The following FOXP1 variants were observed in gnomAD, a reference collection of about 807,000 sequenced individuals.
FOXP1 encodes the protein forkhead box protein P1.
In FOXP1, 15 loss-of-function variants were observed where a neutral mutation model predicts 98.2. The ratio of observed to expected loss-of-function variants is 0.15; its 90% confidence interval spans 0.10 to 0.24. The LOEUF is 0.24. Among genes scored for constraint, FOXP1 ranks in the 10% least tolerant of loss-of-function variants. The pLI is 1.00. For missense variants in FOXP1, 633 were observed against 848.5 expected (o/e 0.75, Z 3.15); for synonymous variants, 371 against 314.5 (o/e 1.18, Z -1.90).
intron 3 of FOXP1, among the ~76,000 whole-genome samples, chr3:71,492,353 G>A (rs776327935): frequency 6.6e-5 from 10 of 151,814 alleles, no homozygotes; most frequent in Admixed American, 3.3e-4. Context: ...TTGGGAGGCC[G>A]AGGCAGAAAA....
chr3:71,007,797 A>T (rs1007033384), intron 12 of FOXP1, among the ~76,000 whole-genome samples: 1 of 152,204 alleles, frequency 6.6e-6, no homozygotes, highest in African/African-American at 2.4e-5. Flanking sequence ...ACAGAAAAAA[A>T]TTTTAAAAAG....
intron 4 of FOXP1, among the ~76,000 whole-genome samples, chr3:71,308,626 C>A (rs1401346114): frequency 6.6e-6 from 1 of 152,014 alleles, no homozygotes; most frequent in Non-Finnish European, 1.5e-5. Context: ...CTGTGCACAA[C>A]AGGAGAATAA....
chr3:71,574,603 G>A (rs1001716466), intron 2 of FOXP1: 23 of 152,144 alleles, frequency 1.5e-4, no homozygotes, highest in African/African-American at 5.5e-4. Context: ...CAAGATGCTT[G>A]GGAAAATCAA....
chr3:70,963,940 C>A (rs2034168976), intron 20 of FOXP1, among the ~76,000 whole-genome samples: 1 of 152,090 alleles, frequency 6.6e-6, no homozygotes, highest in South Asian at 2.1e-4. Context: ...TCAAGCCGTG[C>A]CGTAAAGTTT....
chr3:71,112,343 C>T (rs1351231732), intron 7 of FOXP1, among the ~76,000 whole-genome samples, 193 bp downstream of exon 7: 1 of 152,184 alleles, frequency 6.6e-6, no homozygotes, highest in African/African-American at 2.4e-5. Context: ...GCAGATCTTA[C>T]TCCTGACAAT....
chr3:71,222,708 T>C (rs1398495204), intron 5 of FOXP1, among the ~76,000 whole-genome samples: 1 of 152,228 alleles, frequency 6.6e-6, no homozygotes, highest in African/African-American at 2.4e-5. Flanking sequence ...AATACTTCAC[T>C]GTCTTCCCCA....
rs538835517 is a variant in FOXP1, at chr3:71,015,496, G to A, written c.974+53C>T. The A allele has an allele frequency of 4.9e-6, 6 of 1,221,888 alleles. No individual in the cohort carries two copies. The East Asian group carries it at 9.5e-5, about 19-fold the overall frequency. The allele number at this position is 1,221,888 out of a possible 1,614,324, so 75.7% of individuals were successfully genotyped here. A position where few individuals can be genotyped will look rare whatever the true frequency, so the allele number is the denominator to read the frequency against. ...GGCATTTTATGAGCAAAGCATGAAC[G>A]GTGGGAGGTGTTGGCTATGTAAAAG... On this transcript the variant is annotated intron_variant, in intron 12 of 20. Transcript: ENST00000649528.
intron 5 of FOXP1, among the ~76,000 whole-genome samples, chr3:71,293,993 T>C (rs755193860): frequency 3.3e-5 from 5 of 152,198 alleles, no homozygotes; most frequent in African/African-American, 4.8e-5. Context: ...CTTGAAAACA[T>C]TTTGCTAAGT....
intron 3 of FOXP1, among the ~76,000 whole-genome samples, chr3:71,431,335 TG>T (rs1246200603): frequency 6.6e-6 from 1 of 152,148 alleles, no homozygotes; most frequent in African/African-American, 2.4e-5. Context: ...TGTGAGAAGA[TG>T]CTTGCCCAGG....
intron 7 of FOXP1, among the ~76,000 whole-genome samples, chr3:71,087,127 T>C (rs1308394445): frequency 2.0e-5 from 3 of 152,304 alleles, no homozygotes; most frequent in Admixed American, 6.5e-5. Context: ...AGAGCTCTTA[T>C]AGTACCTTGG....
At chr3:71,005,289 G>A (rs2042622562) in intron 12 of FOXP1, among the ~76,000 whole-genome samples, 1 of 121,200 alleles carries the variant, frequency 8.3e-6, no homozygotes, top group Admixed American at 9.8e-5. Context: ...CTGAATCAGA[G>A]GTGGAGAGAA....
At chr3:71,097,763 C>T (rs2107645072) in intron 7 of FOXP1, among the ~76,000 whole-genome samples, 2 of 152,236 alleles carry the variant, frequency 1.3e-5, no homozygotes, top group African/African-American at 4.8e-5. Flanking sequence ...AAAGAGATTT[C>T]TTTGTAGAGC....
intron 2 of FOXP1, among the ~76,000 whole-genome samples, chr3:71,563,845 G>T (rs1472248211): frequency 6.6e-6 from 1 of 152,208 alleles, no homozygotes; most frequent in East Asian, 1.9e-4. Flanking sequence ...CTCAAAAAAT[G>T]AGGGCTTTCC....
chr3:70,985,310 T>C (rs2039546382), intron 14 of FOXP1, among the ~76,000 whole-genome samples: 1 of 152,104 alleles, frequency 6.6e-6, no homozygotes, highest in African/African-American at 2.4e-5. Flanking sequence ...ATTTTGCACA[T>C]GAGAATCAGT....
At chr3:71,421,712 C>T (rs1282994462) in intron 3 of FOXP1, among the ~76,000 whole-genome samples, 1 of 152,166 alleles carries the variant, frequency 6.6e-6, no homozygotes, top group Non-Finnish European at 1.5e-5. Flanking sequence ...GAAAGGCTGG[C>T]TTGACTCTTC....
chr3:70,958,303 T>G lies in FOXP1; in HGVS notation c.*944A>C, dbSNP rs1559555660. 1 of 535,568 alleles carries G rather than the reference T, an allele frequency of 1.9e-6. No homozygotes were observed. The highest frequency in any genetic ancestry group is 1.9e-5 in the African/African-American group (1 of 52,900). 33.2% of individuals were successfully genotyped at this position (535,568 alleles called of 1,614,324 possible). A position where few individuals can be genotyped will look rare whatever the true frequency, so the allele number is the denominator to read the frequency against. The stretch of plus-strand genomic sequence containing the variant: ...AATGAATCGGCATTGTTCCTAGAGT[T>G]TGTCTCTCTTTTTTTTTTCTGTCAT... On this transcript the variant is annotated 3_prime_UTR_variant, in exon 21 of 21. Transcript: ENST00000649528.
intron 12 of FOXP1, among the ~76,000 whole-genome samples, chr3:71,004,270 T>A (rs898087773): frequency 2.8e-4 from 43 of 151,928 alleles, no homozygotes; most frequent in African/African-American, 9.9e-4. Context: ...GAAAAAAAAA[T>A]ATTACATGAG....
In FOXP1 at chr3:70,955,196, G is replaced by C. The variant is rs951508538; in HGVS notation, c.*4051C>G. ...GAGTTCAGCTGGAATATGGAAAAGA[G>C]AGGAAATATTTTTTAACTCTATTTT... On this transcript the variant is annotated 3_prime_UTR_variant, in exon 21 of 21. Transcript: ENST00000649528. 41 of 232,508 alleles carry C rather than the reference G, an allele frequency of 1.8e-4. No homozygotes were observed. Among genetic ancestry groups the C allele is most frequent in the African/African-American group, 8.6e-4 (39 of 45,302 alleles). The allele number at this position is 232,508 out of a possible 1,614,324, so 14.4% of individuals were successfully genotyped here.
intron 7 of FOXP1, among the ~76,000 whole-genome samples, chr3:71,106,866 T>C (rs1404081079): frequency 2.0e-5 from 3 of 151,336 alleles, no homozygotes; most frequent in African/African-American, 7.3e-5. Context: ...CTCTACCTCC[T>C]GGGCTCATTC....
Sources: allele counts gnomAD v4.1 joint callset (sites outside exome capture counted in the v4.1 genomes callset), GRCh38; gene constraint gnomAD v4.1.1; transcripts MANE v1.5; gene names NCBI Gene and HGNC (gene_info 2026-07-23, HGNC 2026-07-21).